The following FAM118A variants were observed in gnomAD, a reference collection of about 807,000 sequenced individuals.
FAM118A encodes protein FAM118A.
Under a neutral mutation model 38.2 loss-of-function variants are expected in FAM118A, and 25 were observed. The observed-to-expected ratio is 0.65, with a 90% CI of 0.48 to 0.91. The LOEUF is 0.91. Ranked by LOEUF, FAM118A falls within the 40% of genes least tolerant of loss-of-function variation. The pLI is 0.00. For missense variants in FAM118A, 425 were observed against 463.3 expected (o/e 0.92, Z 0.76); for synonymous variants, 178 against 184.1 (o/e 0.97, Z 0.27).
chr22:45,332,244 G>A (rs991877781), intron 5 of FAM118A, among the ~76,000 whole-genome samples, 181 bp from the exon 6 acceptor site: 7 of 151,058 alleles, frequency 4.6e-5, no homozygotes, highest in African/African-American at 9.8e-5. Context: ...GGCTGCTGCT[G>A]GGGGGTGGCC....
intron 1 of FAM118A, among the ~76,000 whole-genome samples, chr22:45,310,387 C>G (rs1186106607): frequency 1.3e-5 from 2 of 151,950 alleles, no homozygotes; most frequent in African/African-American, 4.8e-5. Flanking sequence ...TCTCTGGACT[C>G]CGAGACCCCC....
At chr22:45,317,987 G>A (rs552756811) in intron 1 of FAM118A, among the ~76,000 whole-genome samples, 88 of 152,330 alleles carry the variant, frequency 5.8e-4, no homozygotes, top group African/African-American at 1.6e-3. Context: ...CATGAGGGGC[G>A]GGGCCATTAA....
At chr22:45,314,577 G>A (rs2084523593) in intron 1 of FAM118A, among the ~76,000 whole-genome samples, 1 of 152,218 alleles carries the variant, frequency 6.6e-6, no homozygotes, top group Non-Finnish European at 1.5e-5. Flanking sequence ...GAAAAATTAG[G>A]GCATTTGGTT....
chr22:45,312,832 C>T (rs2084431012), intron 1 of FAM118A, among the ~76,000 whole-genome samples: 1 of 152,176 alleles, frequency 6.6e-6, no homozygotes, highest in African/African-American at 2.4e-5. Flanking sequence ...TACCATTCTC[C>T]AGAAACTTCG....
At chr22:45,336,727 C>G (rs2086126170) in intron 8 of FAM118A, among the ~76,000 whole-genome samples, 1 of 152,188 alleles carries the variant, frequency 6.6e-6, no homozygotes, top group Non-Finnish European at 1.5e-5. Context: ...AAAAAGTGCA[C>G]AAGTTACATA....
rs1479764826 is a variant in FAM118A, at chr22:45,340,472, G to A, written c.*67G>A. Reference sequence around the variant, plus strand: ...GTAACCACAGTGCCCAAACGAAGAGGAATGTATGGAGAACTCCACGTGGAT... The same window carrying A: ...GTAACCACAGTGCCCAAACGAAGAGAAATGTATGGAGAACTCCACGTGGAT... On this transcript the variant is annotated 3_prime_UTR_variant, in exon 9 of 9. Coordinates refer to ENST00000441876, the MANE Select transcript of FAM118A (RefSeq NM_017911.4). 1 of 1,557,998 alleles carries A rather than the reference G, an allele frequency of 6.4e-7. No individual in the cohort carries two copies. The highest frequency in any genetic ancestry group is 1.4e-5 in the African/African-American group (1 of 73,842).
At chr22:45,330,489 G>C in intron 4 of FAM118A, 114 bp from the exon 5 acceptor site, 1 of 1,208,340 alleles carries the variant, frequency 8.3e-7, no homozygotes, top group Non-Finnish European at 1.1e-6. Flanking sequence ...AGCATCTCTC[G>C]ATGATTCTTT....
At chr22:45,318,463 T>A (rs1367699436) in intron 1 of FAM118A, 1 of 152,234 alleles carries the variant, frequency 6.6e-6, no homozygotes, top group African/African-American at 2.4e-5. Context: ...GGTGTTTGGA[T>A]GGGAGCAGAA....
chr22:45,318,599 A>G (rs1433167772), intron 1 of FAM118A: 13 of 152,152 alleles, frequency 8.5e-5, no homozygotes, highest in Admixed American at 8.5e-4. Flanking sequence ...TTATTGTGAG[A>G]TTTGACTCTG....
chr22:45,312,074 A>G (rs758874032), intron 1 of FAM118A, among the ~76,000 whole-genome samples: 1 of 152,054 alleles, frequency 6.6e-6, no homozygotes, highest in South Asian at 2.1e-4. Flanking sequence ...GTGTGTGGAA[A>G]AACCACCCAT....
In FAM118A at chr22:45,328,079, G is replaced by T; in HGVS notation, c.522+16G>T. The T allele has an allele frequency of 4.5e-5, 8 of 179,240 alleles. No homozygotes were observed. Among genetic ancestry groups the T allele is most frequent in the Admixed American group, 1.1e-4 (1 of 9,298 alleles). The allele number at this position is 179,240 out of a possible 1,614,324, so 11.1% of individuals were successfully genotyped here. A position where few individuals can be genotyped will look rare whatever the true frequency, so the allele number is the denominator to read the frequency against. ...CAAGACCAAGGTATGGGCTGGGGGT[G>T]CGGGAGGCCTTTGGCCGGCGGCAGA... On this transcript the variant is annotated intron_variant, in intron 4 of 8. Coordinates refer to ENST00000441876, the MANE Select transcript of FAM118A (RefSeq NM_017911.4).
In FAM118A at chr22:45,340,531, A is replaced by G; in HGVS notation, c.*126A>G. 8.7e-7 allele frequency: 1 copy of G among 1,150,350 alleles called. No homozygotes were observed. The highest frequency in any genetic ancestry group is 1.3e-6 in the Non-Finnish European group (1 of 763,534). The allele number at this position is 1,150,350 out of a possible 1,614,324, so 71.3% of individuals were successfully genotyped here. ...GCGAAACCGTCACATACACCAAGAG[A>G]GCCACATGGGCATGTGGCCCTCAAG... On this transcript the variant is annotated 3_prime_UTR_variant, in exon 9 of 9. Transcript: ENST00000441876.
intron 1 of FAM118A, among the ~76,000 whole-genome samples, chr22:45,321,204 C>G (rs190598322): frequency 6.6e-6 from 1 of 151,950 alleles, no homozygotes; most frequent in South Asian, 2.1e-4. Flanking sequence ...GCAACCTCCA[C>G]CTCCTGGGTT....
chr22:45,312,278 C>G (rs912850279), intron 1 of FAM118A, among the ~76,000 whole-genome samples: 6 of 152,114 alleles, frequency 3.9e-5, no homozygotes, highest in Admixed American at 6.5e-5. Flanking sequence ...CTCAGTCCCC[C>G]AAGACTGCCC....
intron 3 of FAM118A, among the ~76,000 whole-genome samples, chr22:45,325,783 A>G (rs551985331): frequency 6.6e-6 from 1 of 152,270 alleles, no homozygotes; most frequent in South Asian, 2.1e-4. Flanking sequence ...CATGAGAATC[A>G]CCCCAAATTA....
At chr22:45,331,701 C>CAG (rs1316038833) in intron 5 of FAM118A, among the ~76,000 whole-genome samples, 14 of 152,186 alleles carry the variant, frequency 9.2e-5, no homozygotes, top group Admixed American at 7.9e-4. Flanking sequence ...CAGGTGTCAG[C>CAG]AGATGAGTGA....
chr22:45,322,228 C>T (rs1253108431), intron 1 of FAM118A, 143 bp from the exon 2 acceptor site: 7 of 1,541,442 alleles, frequency 4.5e-6, no homozygotes, highest in East Asian at 4.9e-5. Context: ...ACGTCATTTG[C>T]GTATGACATT....
At chr22:45,337,210 C>T (rs889396938) in intron 8 of FAM118A, among the ~76,000 whole-genome samples, 1 of 152,220 alleles carries the variant, frequency 6.6e-6, no homozygotes, top group African/African-American at 2.4e-5. Context: ...TTGTCGGTCT[C>T]CGTGGTGACA....
intron 1 of FAM118A, among the ~76,000 whole-genome samples, chr22:45,320,424 CCTT>C (rs1396816737): frequency 2.3e-4 from 32 of 138,602 alleles, no homozygotes; most frequent in African/African-American, 5.1e-4. Flanking sequence ...TTCTTTTCTT[CCTT>C]CTTCTTCTTC....
Sources: allele counts gnomAD v4.1 joint callset (sites outside exome capture counted in the v4.1 genomes callset), GRCh38; gene constraint gnomAD v4.1.1; transcripts MANE v1.5; gene names NCBI Gene and HGNC (gene_info 2026-07-23, HGNC 2026-07-21).